XKRX: variants seen among roughly 807,000 people sequenced by gnomAD.
The protein encoded by XKRX is XK related X-linked.
A neutral mutation model predicts 22.4 loss-of-function variants in XKRX; 11 were observed. The ratio of observed to expected loss-of-function variants is 0.49; its 90% CI spans 0.31 to 0.81. The LOEUF (loss-of-function observed/expected upper bound fraction) is 0.81, where lower values mean the gene tolerates loss of function less well. Ranked by LOEUF, XKRX falls within the 40% of genes least tolerant of loss-of-function variation. The probability of loss-of-function intolerance (pLI) is 0.05; values close to 1 mark genes in which losing one functional copy is unlikely to be tolerated. For synonymous variants in XKRX, 114 were observed against 132.2 expected (o/e 0.86, Z 0.94); for missense variants, 320 against 336.5 (o/e 0.95, Z 0.38).
chrX:100,896,821 C>A, the XKRX span, among the ~76,000 whole-genome samples: 10 of 110,472 alleles, frequency 9.1e-5, no homozygotes, highest in Non-Finnish European at 1.7e-4. Flanking sequence ...CAGAGTGACA[C>A]CCTATGTAAA....
the XKRX span, among the ~76,000 whole-genome samples, chrX:100,951,755 T>C: frequency 9.0e-6 from 1 of 111,584 alleles, no homozygotes; most frequent in Admixed American, 9.6e-5. Flanking sequence ...AATAAGAGAA[T>C]ACTATGAACA....
chrX:100,917,723 A>AAATC (rs2085452231), intron 2 of XKRX, among the ~76,000 whole-genome samples: 4 of 81,439 alleles, frequency 4.9e-5, no homozygotes, highest in South Asian at 5.3e-4. Context: ...AGAAAGAAAG[A>AAATC]AATCCTTGGT....
downstream of XKRX, among the ~76,000 whole-genome samples, chrX:100,913,196 T>C (rs1162437930): frequency 9.7e-6 from 1 of 103,194 alleles, no homozygotes; most frequent in African/African-American, 3.6e-5. Context: ...AGACTCCATC[T>C]CAAAAAAGAA....
the XKRX span, among the ~76,000 whole-genome samples, chrX:100,899,117 G>T: frequency 8.9e-6 from 1 of 112,425 alleles, no homozygotes; most frequent in African/African-American, 3.2e-5. Context: ...AAGAAAGCAT[G>T]GCCCATATGT....
the XKRX span, among the ~76,000 whole-genome samples, chrX:100,892,487 T>TA: frequency 1.4e-4 from 16 of 110,548 alleles, no homozygotes; most frequent in East Asian, 2.8e-4. Flanking sequence ...AAAATAAATG[T>TA]AAAAAAAACA....
chrX:100,906,934 T>C, the XKRX span, among the ~76,000 whole-genome samples: 1 of 111,782 alleles, frequency 8.9e-6, no homozygotes, highest in South Asian at 3.8e-4. Context: ...CCTTTTCTCT[T>C]ATAAGGATCC....
At chrX:100,936,594 AGAAAG>A in the XKRX span, among the ~76,000 whole-genome samples, 1 of 106,437 alleles carries the variant, frequency 9.4e-6, no homozygotes, top group African/African-American at 3.4e-5. Flanking sequence ...AAGAAAAAGA[AGAAAG>A]GAAGGAAGGA....
chrX:100,890,718 G>A, the XKRX span, among the ~76,000 whole-genome samples: 2 of 111,137 alleles, frequency 1.8e-5, no homozygotes, highest in African/African-American at 3.3e-5. Context: ...CTGGCAAGCT[G>A]GCTCTTTATA....
At chrX:100,891,617 C>A in the XKRX span, among the ~76,000 whole-genome samples, 1 of 109,355 alleles carries the variant, frequency 9.1e-6, no homozygotes, top group Non-Finnish European at 1.9e-5. Flanking sequence ...GGGGGCCAGG[C>A]ATGGTGCTCA....
At chrX:100,906,315 G>A in the XKRX span, among the ~76,000 whole-genome samples, 3 of 111,535 alleles carry the variant, frequency 2.7e-5, no homozygotes, top group Non-Finnish European at 5.7e-5. Context: ...ACATTCTATG[G>A]GTTTGGACAA....
chrX:100,909,902 C>CA (rs5903174), downstream of XKRX, among the ~76,000 whole-genome samples: 18 of 34,550 alleles, frequency 5.2e-4, no homozygotes, highest in African/African-American at 1.2e-3. Flanking sequence ...GACTCCATCT[C>CA]AAAAAAAAAA....
At chrX:100,930,238 G>C (rs1404289921), upstream of XKRX, among the ~76,000 whole-genome samples, 1 of 108,355 alleles carries the variant, frequency 9.2e-6, no homozygotes. Flanking sequence ...GCAGTGAGCT[G>C]AGATCACGCC....
chrX:100,920,849 T>TCCCAGGTTCAAGCAATTCTCCTGCTTC (rs2085468701), intron 2 of XKRX, among the ~76,000 whole-genome samples: 1 of 111,453 alleles, frequency 9.0e-6, no homozygotes, highest in Non-Finnish European at 1.9e-5. Flanking sequence ...AACCTCCACC[T>TCCCAGGTTCAAGCAATTCTCCTGCTTC]CCCAGGTTCA....
intron 1 of XKRX, among the ~76,000 whole-genome samples, chrX:100,927,182 A>T (rs1032463597): frequency 4.5e-5 from 5 of 110,300 alleles, no homozygotes; most frequent in African/African-American, 1.7e-4. Context: ...CTACAAAAAA[A>T]ATTTTTTTTT....
At chrX:100,947,103 A>G in the XKRX span, among the ~76,000 whole-genome samples, 1 of 111,996 alleles carries the variant, frequency 8.9e-6, no homozygotes. Flanking sequence ...GTCCTATATC[A>G]TCTAAAACCC....
At chrX:100,891,073 G>A in the XKRX span, among the ~76,000 whole-genome samples, 1 of 111,133 alleles carries the variant, frequency 9.0e-6, no homozygotes, top group African/African-American at 3.3e-5. Flanking sequence ...TATTATCAGT[G>A]TCTGCAACTT....
At chrX:100,951,869 G>GCTCCA in the XKRX span, among the ~76,000 whole-genome samples, 1 of 111,655 alleles carries the variant, frequency 9.0e-6, no homozygotes, top group South Asian at 3.7e-4. Context: ...TTTGTGAATA[G>GCTCCA]CTTTATAACC....
upstream of XKRX, among the ~76,000 whole-genome samples, chrX:100,932,599 C>T (rs754457535): frequency 3.6e-5 from 4 of 112,294 alleles, no homozygotes; most frequent in Non-Finnish European, 5.6e-5. Flanking sequence ...ATTCAGAATC[C>T]CTCTATAAGG....
chrX:100,940,120 T>A, the XKRX span, among the ~76,000 whole-genome samples: 16 of 112,016 alleles, frequency 1.4e-4, no homozygotes, highest in Admixed American at 7.7e-4. Flanking sequence ...TTAAATAATA[T>A]TAATACCAAC....
Sources: gnomAD v4.1 joint callset for allele counts (sites outside exome capture counted in the v4.1 genomes callset) on GRCh38, gnomAD v4.1.1 for gene constraint, MANE v1.5 for transcripts, NCBI Gene and HGNC (gene_info 2026-07-23, HGNC 2026-07-21) for gene names.